USP53: variants seen among roughly 807,000 people sequenced by gnomAD.
USP53 encodes the protein ubiquitin specific peptidase 53.
USP53 carries 71 observed loss-of-function variants against 94.9 expected under a neutral mutation model. The observed-to-expected ratio is 0.75, with a 90% confidence interval of 0.62 to 0.91. The LOEUF (loss-of-function observed/expected upper bound fraction) is 0.91, where lower values mean the gene tolerates loss of function less well. USP53 is among the 40% of genes least tolerant of loss of function. The pLI is 0.00. For missense variants in USP53, 1,173 were observed against 1,281.0 expected, an observed-to-expected ratio of 0.92 and a Z score of 1.29; for synonymous variants, 375 against 422.7, an observed-to-expected ratio of 0.89 and a Z score of 1.39.
At chr4:119,277,729 G>A (rs1486312871) in intron 17 of USP53, among the ~76,000 whole-genome samples, 2 of 141,852 alleles carry the variant, frequency 1.4e-5, no homozygotes, top group Non-Finnish European at 3.1e-5. Flanking sequence ...TAATGTGTGG[G>A]AGTCTAAGTC....
chr4:119,212,665 G>A (rs1052750442), upstream of USP53: 18 of 349,732 alleles, frequency 5.1e-5, no homozygotes, highest in Middle Eastern at 2.1e-3. Context: ...CGCATGCTCC[G>A]CTCACAGGGT....
At chr4:119,266,414 A>G (rs1408863184) in intron 12 of USP53, 4 of 451,020 alleles carry the variant, frequency 8.9e-6, no homozygotes, top group Non-Finnish European at 1.8e-5. Flanking sequence ...TATGAGAGCA[A>G]TGTATGAGAG....
chr4:119,245,539 C>G (rs1316399442), intron 6 of USP53, 110 bp downstream of exon 6: 8 of 880,170 alleles, frequency 9.1e-6, no homozygotes, highest in Non-Finnish European at 1.5e-5. Context: ...AGGTGATTAA[C>G]AGTTTTGAAG....
intron 9 of USP53, among the ~76,000 whole-genome samples, chr4:119,258,419 G>GT (rs1750042513): frequency 6.6e-6 from 1 of 152,170 alleles, no homozygotes; most frequent in Non-Finnish European, 1.5e-5. Context: ...TTACTGTTAA[G>GT]TACAATCAGA....
Position 119,239,664 on chromosome 4 carries a change from A to T in USP53, c.-96A>T. On this transcript the variant is annotated 5_prime_UTR_variant, in exon 5 of 19. Transcript: ENST00000692078. ...ACATTATTAAAATAGACTGCAGTGG[A>T]TTTAATTGGACAATTCAAGACATCC... 1 of 1,383,232 alleles carries T rather than the reference A, an allele frequency of 7.2e-7. No individual in the cohort carries two copies. The highest frequency in any genetic ancestry group is 2.4e-5 in the Admixed American group (1 of 41,238). The allele number at this position is 1,383,232 out of a possible 1,614,324, so 85.7% of individuals were successfully genotyped here. A position where few individuals can be genotyped will look rare whatever the true frequency, so the allele number is the denominator to read the frequency against.
At chr4:119,249,490 C>T (rs915411020) in intron 7 of USP53, among the ~76,000 whole-genome samples, 1 of 151,858 alleles carries the variant, frequency 6.6e-6, no homozygotes, top group East Asian at 1.9e-4. Context: ...AAGTTGTAAC[C>T]ATTTCTTCTC....
Position 119,271,906 on chromosome 4 carries a change from A to G in USP53, c.2046A>G (p.Gln682=), listed in dbSNP as rs754323650. The G allele has an allele frequency of 3.7e-6, 6 of 1,614,172 alleles. No individual in the cohort carries two copies. The highest frequency in any genetic ancestry group is 5.1e-6 in the Non-Finnish European group (6 of 1,180,020). ...TGCATGGTGATAATTGGCAGATGCA[A>G]AGGACTGAGTCTGGATATGAAAGCA... ...GKVHGDNWQM[Q]RTESGYESSD... is the part of the protein sequence containing the mutation. The change falls in exon 16 of 19, where the codon CAA becomes CAG. Residue 682 remains glutamine, a synonymous_variant. Coordinates refer to ENST00000692078, the MANE Select transcript of USP53 (RefSeq NM_001371395.1).
chr4:119,279,702 C>T (rs1045010360), intron 17 of USP53, among the ~76,000 whole-genome samples: 1 of 152,178 alleles, frequency 6.6e-6, no homozygotes, highest in Admixed American at 6.5e-5. Context: ...CCCCCAGCCT[C>T]GCTGTCGCCT....
chr4:119,273,596 A>AT (rs1308765096), intron 16 of USP53, 36 bp from the exon 17 acceptor site: 1 of 1,543,466 alleles, frequency 6.5e-7, no homozygotes, highest in Non-Finnish European at 8.9e-7. Context: ...GCAGTCCATA[A>AT]TACCTGATGT....
At chr4:119,265,387 G>A (rs974457750) in intron 12 of USP53, among the ~76,000 whole-genome samples, 4 of 152,140 alleles carry the variant, frequency 2.6e-5, no homozygotes, top group African/African-American at 7.2e-5. Flanking sequence ...CTTTTACATA[G>A]TTTAAATTGT....
chr4:119,223,366 A>G (rs1744808839), intron 3 of USP53, among the ~76,000 whole-genome samples: 3 of 152,218 alleles, frequency 2.0e-5, no homozygotes, highest in Admixed American at 1.3e-4. Context: ...AGCCAGATCA[A>G]TTCTAGGAAA....
At position 119,253,239 on chromosome 4, in the gene USP53, G is replaced by C. The variant is rs113175794; in HGVS notation, c.373-3007G>C. Reference sequence around the variant, plus strand: ...CTGTAGATGTCTATTAGGTCTGCTTGGTCCAGAACTGGGTTCAAGTCCTGG... The same window carrying C: ...CTGTAGATGTCTATTAGGTCTGCTTCGTCCAGAACTGGGTTCAAGTCCTGG... On this transcript the variant is annotated intron_variant, in intron 7 of 18. Coordinates refer to ENST00000692078, the MANE Select transcript of USP53 (RefSeq NM_001371395.1). 2.8e-3 allele frequency among the ~76,000 whole-genome samples: 420 copies of C among 152,110 alleles called. 1 individual carries two copies. Among genetic ancestry groups the C allele is most frequent in the African/African-American group, 9.8e-3 (406 of 41,484 alleles).
At chr4:119,216,858 A>G (rs968185929) in intron 2 of USP53, among the ~76,000 whole-genome samples, 5 of 152,380 alleles carry the variant, frequency 3.3e-5, no homozygotes, top group Non-Finnish European at 7.3e-5. Context: ...AGTATAAAAT[A>G]TATAATACAG....
intron 11 of USP53, 113 bp from the exon 12 acceptor site, chr4:119,261,602 G>A (rs1750524778): frequency 2.7e-6 from 2 of 736,756 alleles, no homozygotes; most frequent in East Asian, 5.9e-5. Context: ...ATTAGATTGG[G>A]GCAGTATGCA....
intron 1 of USP53, chr4:119,213,334 AAG>A (rs534059787): frequency 1.8e-4 from 27 of 152,080 alleles, no homozygotes; most frequent in African/African-American, 6.3e-4. Flanking sequence ...CTCCTTGGAG[AAG>A]AGAGATGACT....
intron 5 of USP53, among the ~76,000 whole-genome samples, chr4:119,244,664 T>C (rs572886124): frequency 4.6e-5 from 7 of 152,234 alleles, no homozygotes; most frequent in Non-Finnish European, 1.0e-4. Context: ...ATTTTAAGTA[T>C]TGGACTGATT....
chr4:119,245,944 T>C (rs2149342385), intron 6 of USP53, among the ~76,000 whole-genome samples: 1 of 152,226 alleles, frequency 6.6e-6, no homozygotes, highest in East Asian at 1.9e-4. Flanking sequence ...ACTGAGAAAC[T>C]GATATTTGAA....
chr4:119,213,901 G>A (rs559480218), intron 1 of USP53, among the ~76,000 whole-genome samples, 169 bp from the exon 2 acceptor site: 3 of 79,712 alleles, frequency 3.8e-5, no homozygotes, highest in Non-Finnish European at 7.3e-5. Flanking sequence ...AAAAAACGCA[G>A]TACACTTAGG....
At chr4:119,234,775 T>C (rs1027778729) in intron 3 of USP53, among the ~76,000 whole-genome samples, 2 of 152,176 alleles carry the variant, frequency 1.3e-5, no homozygotes, top group Non-Finnish European at 2.9e-5. Flanking sequence ...ACTAACATAA[T>C]ACATTTATCC....
Sources: allele counts gnomAD v4.1 joint callset (sites outside exome capture counted in the v4.1 genomes callset), GRCh38; gene constraint gnomAD v4.1.1; transcripts MANE v1.5; gene names NCBI Gene and HGNC (gene_info 2026-07-23, HGNC 2026-07-21).